The following TRIM44 variants were observed in gnomAD, a reference collection of about 807,000 sequenced individuals.
The protein encoded by TRIM44 is tripartite motif-containing protein 44.
Under a neutral mutation model 37.4 loss-of-function variants are expected in TRIM44, and 13 were observed. The ratio of observed to expected loss-of-function variants is 0.35; its 90% CI spans 0.23 to 0.55. The LOEUF (loss-of-function observed/expected upper bound fraction) is 0.55, where lower values mean the gene tolerates loss of function less well. Among genes scored for constraint, TRIM44 ranks in the 20% least tolerant of loss-of-function variants. The pLI, the probability that TRIM44 is intolerant of heterozygous loss-of-function variation, is 0.89. For missense variants in TRIM44, 426 were observed against 437.2 expected (o/e 0.97, Z 0.23); for synonymous variants, 175 against 157.2 (o/e 1.11, Z -0.85).
chr11:35,787,024 G>T (rs1853139800), intron 4 of TRIM44, among the ~76,000 whole-genome samples: 1 of 152,028 alleles, frequency 6.6e-6, no homozygotes, highest in South Asian at 2.1e-4. Flanking sequence ...GCTTTTAATG[G>T]TTGCTTGACA....
chr11:35,799,588 C>G (rs1160011534), intron 4 of TRIM44, among the ~76,000 whole-genome samples: 5 of 152,224 alleles, frequency 3.3e-5, no homozygotes, highest in Admixed American at 3.3e-4. Flanking sequence ...AGGCTCATCT[C>G]TTACCCAAGT....
At chr11:35,725,099 CACACA>C (rs1852157283) in intron 2 of TRIM44, among the ~76,000 whole-genome samples, 5 of 151,690 alleles carry the variant, frequency 3.3e-5, no homozygotes, top group Admixed American at 6.6e-5. Context: ...CACACACACA[CACACA>C]CCCTCCATCT....
At chr11:35,683,856 C>G (rs942905426) in intron 1 of TRIM44, among the ~76,000 whole-genome samples, 19 of 151,452 alleles carry the variant, frequency 1.3e-4, no homozygotes, top group Non-Finnish European at 2.7e-4. Context: ...TACAGGGATA[C>G]AAAAAAATAC....
At chr11:35,685,180 A>G (rs902166169) in intron 1 of TRIM44, 79 bp from the exon 2 acceptor site, 55 of 1,240,806 alleles carry the variant, frequency 4.4e-5, no homozygotes, top group Non-Finnish European at 6.2e-5. Flanking sequence ...TTTCTATTTC[A>G]TTGTCTTCCA....
chr11:35,707,529 TA>T (rs1321998964), intron 2 of TRIM44, among the ~76,000 whole-genome samples: 4 of 152,020 alleles, frequency 2.6e-5, no homozygotes, highest in Admixed American at 6.6e-5. Context: ...AAGGCTACAG[TA>T]ACCAAAACAG....
chr11:35,756,857 C>T (rs968905966), intron 4 of TRIM44, among the ~76,000 whole-genome samples: 1 of 152,094 alleles, frequency 6.6e-6, no homozygotes, highest in Non-Finnish European at 1.5e-5. Flanking sequence ...GGATGAAGCC[C>T]ACTTGATCAT....
intron 2 of TRIM44, among the ~76,000 whole-genome samples, chr11:35,696,136 A>AT (rs1197445648): frequency 0.022 from 2,992 of 138,290 alleles, 101 homozygotes; most frequent in African/African-American, 0.065. Flanking sequence ...GATGAGTCAA[A>AT]TTTTTTTTTT....
intron 4 of TRIM44, among the ~76,000 whole-genome samples, chr11:35,744,257 T>A (rs568207906): frequency 3.3e-5 from 5 of 152,272 alleles, no homozygotes; most frequent in African/African-American, 1.2e-4. Context: ...AAAATTAGTA[T>A]GAGTATGTGC....
intron 4 of TRIM44, among the ~76,000 whole-genome samples, chr11:35,802,683 C>T (rs1419642320): frequency 6.6e-6 from 1 of 152,064 alleles, no homozygotes; most frequent in African/African-American, 2.4e-5. Flanking sequence ...GAGCTAAGGC[C>T]GGTTAACTAA....
intron 1 of TRIM44, among the ~76,000 whole-genome samples, chr11:35,678,404 CTT>C (rs1193066416): frequency 6.6e-6 from 1 of 151,992 alleles, no homozygotes; most frequent in Non-Finnish European, 1.5e-5. Context: ...CCAAGAATGA[CTT>C]TGAGTCTGAC....
chr11:35,735,808 A>G (rs1852320532), intron 4 of TRIM44, among the ~76,000 whole-genome samples: 1 of 151,884 alleles, frequency 6.6e-6, no homozygotes, highest in Admixed American at 6.6e-5. Context: ...AATTAGATTG[A>G]TTTTTTTAAT....
intron 2 of TRIM44, among the ~76,000 whole-genome samples, chr11:35,689,729 G>A (rs1385375960): frequency 1.3e-5 from 2 of 152,142 alleles, no homozygotes; most frequent in Non-Finnish European, 2.9e-5. Context: ...TAGTGACTAT[G>A]CAGTTATCTT....
intron 1 of TRIM44, among the ~76,000 whole-genome samples, chr11:35,677,327 T>C (rs750215848): frequency 1.1e-4 from 17 of 152,010 alleles, no homozygotes; most frequent in Non-Finnish European, 2.4e-4. Context: ...ATTTAATAGA[T>C]GAATACTTTC....
intron 1 of TRIM44, among the ~76,000 whole-genome samples, chr11:35,672,397 G>A (rs981324282): frequency 5.3e-5 from 8 of 152,160 alleles, no homozygotes; most frequent in African/African-American, 1.4e-4. Context: ...AAAACCACTC[G>A]TCTAGTGTAC....
intron 4 of TRIM44, among the ~76,000 whole-genome samples, chr11:35,743,224 G>A (rs1590561301): frequency 1.3e-5 from 2 of 152,136 alleles, no homozygotes; most frequent in Non-Finnish European, 1.5e-5. Context: ...CTGGCCTGGG[G>A]TAGGAGACTA....
chr11:35,724,029 C>T (rs1197455251), intron 2 of TRIM44, among the ~76,000 whole-genome samples: 4 of 152,144 alleles, frequency 2.6e-5, no homozygotes, highest in Non-Finnish European at 5.9e-5. Context: ...ACATTTAATA[C>T]ACTTTCCCAT....
intron 1 of TRIM44, among the ~76,000 whole-genome samples, chr11:35,675,069 C>A (rs1053117412): frequency 6.6e-6 from 1 of 152,130 alleles, no homozygotes; most frequent in Non-Finnish European, 1.5e-5. Flanking sequence ...TTATTTCTTT[C>A]CATGTCTTTC....
At chr11:35,788,827 G>A (rs1853162762) in intron 4 of TRIM44, among the ~76,000 whole-genome samples, 1 of 152,176 alleles carries the variant, frequency 6.6e-6, no homozygotes, top group Admixed American at 6.5e-5. Flanking sequence ...AAGGAGAGGT[G>A]GCTGGAGAAG....
Position 35,663,045 on chromosome 11 carries a change from G to T in TRIM44, c.-67G>T. ...GGGACCCGGGGCGGGAGGAGGAAGTGAGGCCGCGCGGAAGGAAGGCGGCGA... is the reference window on the plus strand; with the variant it reads ...GGGACCCGGGGCGGGAGGAGGAAGTTAGGCCGCGCGGAAGGAAGGCGGCGA... On this transcript the variant is annotated 5_prime_UTR_variant, in exon 1 of 5. Transcript: ENST00000299413. The T allele has an allele frequency of 6.9e-7, 1 of 1,450,572 alleles. No individual in the cohort carries two copies. Among genetic ancestry groups the T allele is most frequent in the South Asian group, 1.5e-5 (1 of 68,106 alleles). 89.9% of individuals were successfully genotyped at this position (1,450,572 alleles called of 1,614,324 possible).
Sources: allele counts gnomAD v4.1 joint callset (sites outside exome capture counted in the v4.1 genomes callset), GRCh38; gene constraint gnomAD v4.1.1; transcripts MANE v1.5; gene names NCBI Gene and HGNC (gene_info 2026-07-23, HGNC 2026-07-21).